The following ENTREP2 variants were observed in gnomAD, a reference collection of about 807,000 sequenced individuals.
ENTREP2 encodes the protein protein ENTREP2.
the ENTREP2 span, among the ~76,000 whole-genome samples, chr15:29,409,982 C>T: frequency 1.3e-5 from 2 of 152,182 alleles, no homozygotes; most frequent in South Asian, 2.1e-4. Context: ...ATGGACTGCT[C>T]GCCTGCTCAG....
chr15:29,248,104 G>C, the ENTREP2 span, among the ~76,000 whole-genome samples: 1 of 152,184 alleles, frequency 6.6e-6, no homozygotes, highest in African/African-American at 2.4e-5. Context: ...GATTTTTAAT[G>C]ATCTGGGTGA....
chr15:29,422,442 G>C, the ENTREP2 span, among the ~76,000 whole-genome samples: 1 of 152,150 alleles, frequency 6.6e-6, no homozygotes, highest in Non-Finnish European at 1.5e-5. Context: ...TTACAGAGCA[G>C]AAAGAAAGGT....
chr15:29,582,629 C>G, the ENTREP2 span, among the ~76,000 whole-genome samples: 15 of 151,878 alleles, frequency 9.9e-5, no homozygotes, highest in Non-Finnish European at 1.9e-4. Context: ...GAAAATAATC[C>G]TGAATTTATT....
At chr15:29,385,407 C>T in the ENTREP2 span, among the ~76,000 whole-genome samples, 2 of 152,300 alleles carry the variant, frequency 1.3e-5, no homozygotes, top group African/African-American at 4.8e-5. Context: ...TCACTGAAGA[C>T]AATGTGCATT....
chr15:29,672,372 A>T, the ENTREP2 span, among the ~76,000 whole-genome samples: 1 of 152,176 alleles, frequency 6.6e-6, no homozygotes, highest in Non-Finnish European at 1.5e-5. Context: ...TTTCTGAGGA[A>T]ATCAGTTGTC....
chr15:29,620,480 G>A, the ENTREP2 span, among the ~76,000 whole-genome samples: 1 of 151,972 alleles, frequency 6.6e-6, no homozygotes, highest in South Asian at 2.1e-4. Flanking sequence ...CAAATCTCAA[G>A]AATGGGTCTG....
At chr15:29,580,788 C>A in the ENTREP2 span, among the ~76,000 whole-genome samples, 1 of 152,160 alleles carries the variant, frequency 6.6e-6, no homozygotes, top group Admixed American at 6.5e-5. Flanking sequence ...TGAGAAGAGA[C>A]TTCACAATGG....
chr15:29,196,314 T>C, the ENTREP2 span: 2 of 1,173,646 alleles, frequency 1.7e-6, no homozygotes, highest in Non-Finnish European at 2.4e-6. Flanking sequence ...CCTCTTGCAC[T>C]GAACCTACCC....
the ENTREP2 span, among the ~76,000 whole-genome samples, chr15:29,204,722 A>G: frequency 6.6e-6 from 1 of 152,178 alleles, no homozygotes; most frequent in African/African-American, 2.4e-5. Flanking sequence ...TATTATTTAC[A>G]TTAAAGAAAA....
At chr15:29,549,631 C>T in the ENTREP2 span, among the ~76,000 whole-genome samples, 1 of 152,158 alleles carries the variant, frequency 6.6e-6, no homozygotes, top group Non-Finnish European at 1.5e-5. Context: ...GTTGTTGGGG[C>T]AAAACTTGAG....
chr15:29,256,280 C>G, the ENTREP2 span, among the ~76,000 whole-genome samples: 1 of 152,056 alleles, frequency 6.6e-6, no homozygotes, highest in African/African-American at 2.4e-5. Flanking sequence ...ACTTCAGCAC[C>G]ATGCAACACA....
At chr15:29,342,229 T>G in the ENTREP2 span, among the ~76,000 whole-genome samples, 1 of 152,132 alleles carries the variant, frequency 6.6e-6, no homozygotes, top group African/African-American at 2.4e-5. Context: ...AAGGAACAGC[T>G]GGTGGGATTT....
At chr15:29,335,699 G>A in the ENTREP2 span, among the ~76,000 whole-genome samples, 1 of 151,668 alleles carries the variant, frequency 6.6e-6, no homozygotes, top group Admixed American at 6.5e-5. Context: ...CTTGGGGTCA[G>A]CCACCCTGGC....
At chr15:29,579,758 T>G in the ENTREP2 span, among the ~76,000 whole-genome samples, 1 of 136,210 alleles carries the variant, frequency 7.3e-6, no homozygotes, top group South Asian at 2.5e-4. Context: ...TCGCCCAGGC[T>G]GGAGTGCAGT....
At chr15:29,497,558 TG>T in the ENTREP2 span, among the ~76,000 whole-genome samples, 1 of 152,194 alleles carries the variant, frequency 6.6e-6, no homozygotes, top group African/African-American at 2.4e-5. Flanking sequence ...CCATTACTTC[TG>T]GGCTAATTTA....
the ENTREP2 span, among the ~76,000 whole-genome samples, chr15:29,367,496 G>A: frequency 6.6e-6 from 1 of 152,058 alleles, no homozygotes; most frequent in Non-Finnish European, 1.5e-5. Context: ...ATAATAGTTG[G>A]GGCAAACAAT....
the ENTREP2 span, among the ~76,000 whole-genome samples, chr15:29,347,009 T>C: frequency 6.6e-6 from 1 of 152,218 alleles, no homozygotes; most frequent in Non-Finnish European, 1.5e-5. Flanking sequence ...TGTAACTAGT[T>C]ATTCATGGTC....
the ENTREP2 span, among the ~76,000 whole-genome samples, chr15:29,450,934 G>A: frequency 1.3e-5 from 2 of 151,966 alleles, no homozygotes; most frequent in Non-Finnish European, 2.9e-5. Context: ...GGGAACAACA[G>A]ACTCTGGGGC....
At chr15:29,268,833 G>A in the ENTREP2 span, 2 of 1,613,902 alleles carry the variant, frequency 1.2e-6, no homozygotes, top group Admixed American at 3.3e-5. Flanking sequence ...GTCTGGCCCT[G>A]TTCTCCTCAT....
Sources: gnomAD v4.1 joint callset for allele counts (sites outside exome capture counted in the v4.1 genomes callset) on GRCh38, gnomAD v4.1.1 for gene constraint, MANE v1.5 for transcripts, NCBI Gene and HGNC (gene_info 2026-07-23, HGNC 2026-07-21) for gene names.